TRPM6: variants seen among roughly 807,000 people sequenced by gnomAD.
TRPM6 encodes transient receptor potential cation channel subfamily M member 6.
In TRPM6, 111 loss-of-function variants were observed where a neutral mutation model predicts 247.6. The observed-to-expected ratio is 0.45, with a 90% CI of 0.38 to 0.52. The LOEUF is 0.52. TRPM6 is among the 20% of genes least tolerant of loss of function. The pLI is 0.00. For synonymous variants in TRPM6, 892 were observed against 853.8 expected (o/e 1.04, Z -0.78); for missense variants, 2,126 against 2,421.5 (o/e 0.88, Z 2.56).
chr9:74,756,197 A>T (rs901193411), intron 27 of TRPM6, among the ~76,000 whole-genome samples: 34 of 152,202 alleles, frequency 2.2e-4, no homozygotes, highest in African/African-American at 8.2e-4. Context: ...CCAGAAACTC[A>T]TGGCATTTTT....
intron 7 of TRPM6, among the ~76,000 whole-genome samples, chr9:74,824,546 AT>A (rs1564031510): frequency 8.6e-6 from 1 of 116,858 alleles, no homozygotes; most frequent in Non-Finnish European, 1.8e-5. Flanking sequence ...AAAAAAAAAA[AT>A]CTTACTGATA....
chr9:74,881,795 T>C (rs1325193678), intron 1 of TRPM6, among the ~76,000 whole-genome samples: 1 of 152,198 alleles, frequency 6.6e-6, no homozygotes, highest in Non-Finnish European at 1.5e-5. Flanking sequence ...TTGGAAACTG[T>C]ACAAAAGTAT....
At chr9:74,834,250 A>T in intron 5 of TRPM6, 128 bp from the exon 6 acceptor site, 2 of 1,099,142 alleles carry the variant, frequency 1.8e-6, no homozygotes, top group Non-Finnish European at 2.7e-6. Context: ...TTGCTGGTAC[A>T]GTGGAATTAG....
At chr9:74,824,960 TA>T (rs1445957959) in intron 7 of TRPM6, among the ~76,000 whole-genome samples, 1 of 151,066 alleles carries the variant, frequency 6.6e-6, no homozygotes, top group Non-Finnish European at 1.5e-5. Flanking sequence ...TGAAAAGCAA[TA>T]AAATAAATCA....
In TRPM6 at chr9:74,732,714, ATC is replaced by A; in HGVS notation, c.5797_5798del (p.Asp1933SerfsTer7). 6.2e-7 allele frequency: 1 copy of A among 1,609,610 alleles called. No homozygotes were observed. Among genetic ancestry groups the A allele is most frequent in the Non-Finnish European group, 8.5e-7 (1 of 1,177,782 alleles). On this transcript the variant is annotated frameshift_variant, in exon 37 of 39. Coordinates refer to ENST00000360774, the MANE Select transcript of TRPM6 (RefSeq NM_017662.5). ...TGACTTCAGGTTTTATAACAGATGG[ATC>A]TGTCAAATTTTCTCCAACACCTCAA... ...DLQGVGENLT[D>X]PSVIKPEVKQ...
At chr9:74,755,276 C>T (rs778810088) in intron 28 of TRPM6, 77 bp downstream of exon 28, 112 of 1,483,892 alleles carry the variant, frequency 7.5e-5, no homozygotes, top group Admixed American at 1.0e-4. Flanking sequence ...CAGGAGGAAC[C>T]GCCAATGGTC....
chr9:74,810,422 C>A (rs1828689998), intron 13 of TRPM6, among the ~76,000 whole-genome samples: 1 of 152,136 alleles, frequency 6.6e-6, no homozygotes, highest in African/African-American at 2.4e-5. Context: ...TCACTGATAT[C>A]AAAAACAATG....
At chr9:74,754,081 T>C (rs1216734070) in intron 28 of TRPM6, among the ~76,000 whole-genome samples, 1 of 150,870 alleles carries the variant, frequency 6.6e-6, no homozygotes. Flanking sequence ...CTAATATATA[T>C]AATATAAATA....
intron 12 of TRPM6, among the ~76,000 whole-genome samples, chr9:74,811,289 C>T (rs1828719762): frequency 6.6e-6 from 1 of 152,042 alleles, no homozygotes; most frequent in African/African-American, 2.4e-5. Flanking sequence ...AAAAGAGTGG[C>T]TACTTACACT....
chr9:74,840,123 A>C lies in TRPM6; in HGVS notation c.445T>G (p.Phe149Val), dbSNP rs1829881218. The change falls in exon 5 of 39, where the codon TTT becomes GTT. Residue 149 changes from phenylalanine to valine, a missense_variant. Physicochemically the swap from Phe to Val is conservative, Grantham distance 50. Transcript: ENST00000360774. The stretch of plus-strand genomic sequence containing the variant: ...TCTTTAAATTTAGAGGGCATAGTAA[A>C]GTTCTGGATGCCCCCATGGACTGAG... ...VISVHGGIQN[F>V]TMPSKFKEIF... The C allele has an allele frequency of 6.2e-7, 1 of 1,613,958 alleles. No individual in the cohort carries two copies. The highest frequency in any genetic ancestry group is 8.5e-7 in the Non-Finnish European group (1 of 1,179,970).
chr9:74,774,822 T>C (rs1264669610), intron 24 of TRPM6, among the ~76,000 whole-genome samples: 1 of 152,238 alleles, frequency 6.6e-6, no homozygotes, highest in African/African-American at 2.4e-5. Flanking sequence ...TGAATATTCA[T>C]ACTACAAGAA....
chr9:74,798,261 CCTT>C (rs1437309242), intron 17 of TRPM6, among the ~76,000 whole-genome samples: 1 of 130,818 alleles, frequency 7.6e-6, no homozygotes, highest in Non-Finnish European at 1.6e-5. Context: ...TCCTTGTCAA[CCTT>C]CTTTTTTTTT....
chr9:74,834,880 AG>A (rs1388065609), intron 5 of TRPM6, among the ~76,000 whole-genome samples: 2 of 152,274 alleles, frequency 1.3e-5, no homozygotes, highest in African/African-American at 4.8e-5. Flanking sequence ...TATTGTGAAT[AG>A]TGCCGCAATA....
At position 74,762,657 on chromosome 9, in the gene TRPM6, G is replaced by T; in HGVS notation, c.4014C>A (p.His1338Gln). The T allele has an allele frequency of 4.3e-6, 7 of 1,614,200 alleles. No homozygotes were observed. The highest frequency in any genetic ancestry group is 5.9e-6 in the Non-Finnish European group (7 of 1,180,032). Residue 1338 changes from histidine to glutamine, a missense_variant, in exon 26 of 39, where the codon CAC becomes CAA. Transcript: ENST00000360774. The stretch of plus-strand genomic sequence containing the variant: ...CCAGAAGAAACTGGCCATACTTTGA[G>T]TGTGCTTGCCTGTTAGGAGACACCC... ...VSGVSPNRQA[H>Q]SKYGQFLLVP...
chr9:74,881,364 T>C (rs1414373394), intron 1 of TRPM6, among the ~76,000 whole-genome samples: 14 of 151,920 alleles, frequency 9.2e-5, no homozygotes, highest in Admixed American at 8.5e-4. Context: ...TATAATTATA[T>C]AAGGCAATCA....
At chr9:74,820,641 C>T (rs1829104748) in intron 8 of TRPM6, among the ~76,000 whole-genome samples, 1 of 152,182 alleles carries the variant, frequency 6.6e-6, no homozygotes, top group Non-Finnish European at 1.5e-5. Context: ...ATGGCTCACA[C>T]CTGTAATCCC....
In TRPM6 at chr9:74,808,481, G is replaced by A. The variant is rs144161750; in HGVS notation, c.1498-307C>T. ...TGCACACAAACATATATACACACAC[G>A]TTTGAGTAAAATACATTTAAATATT... On this transcript the variant is annotated intron_variant, in intron 13 of 38. Coordinates refer to ENST00000360774, the MANE Select transcript of TRPM6 (RefSeq NM_017662.5). Among the ~76,000 whole-genome samples the A allele has an allele frequency of 6.6e-5, 10 of 152,156 alleles. No homozygotes were observed. In the East Asian group the frequency reaches 1.4e-3, roughly 21 times the overall value.
intron 3 of TRPM6, among the ~76,000 whole-genome samples, chr9:74,853,460 C>G (rs145078905): frequency 1.3e-5 from 2 of 152,138 alleles, no homozygotes; most frequent in African/African-American, 4.8e-5. Context: ...AGATTGTTAC[C>G]GTGTCTGTGC....
rs756814200 is a variant in TRPM6, at chr9:74,820,358, T to C, written c.1080A>G (p.Lys360=). Residue 360 remains lysine (K), a synonymous_variant, in exon 9 of 39, where the codon AAA becomes AAG. Coordinates refer to ENST00000360774, the MANE Select transcript of TRPM6 (RefSeq NM_017662.5). The part of the protein sequence containing the change: ...MIQNTFNFSL[K]QSKHLFQILM... The stretch of plus-strand genomic sequence containing the variant: ...GAATTTGGAAAAGGTGCTTGGACTG[T>C]TTAAGACTAAAGTTGAAAGTGTTCT... 2.4e-5 allele frequency: 38 copies of C among 1,614,020 alleles called. No individual in the cohort carries two copies. Among genetic ancestry groups the C allele is most frequent in the African/African-American group, 5.3e-5 (4 of 74,918 alleles).
Sources: allele counts gnomAD v4.1 joint callset (sites outside exome capture counted in the v4.1 genomes callset), GRCh38; gene constraint gnomAD v4.1.1; transcripts MANE v1.5; gene names NCBI Gene and HGNC (gene_info 2026-07-23, HGNC 2026-07-21).